Variants in ZNF695 observed in about 807,000 individuals in gnomAD.
ZNF695 encodes zinc finger protein SBZF3.
ZNF695 carries 11 observed loss-of-function variants against 11.2 expected under a neutral mutation model. The ratio of observed to expected loss-of-function variants is 0.98; its 90% confidence interval spans 0.62 to 1.62. The LOEUF is 1.62. Among genes scored for constraint, ZNF695 ranks in the 40% most tolerant of loss-of-function variants. The pLI is 0.00. For missense variants in ZNF695, 559 were observed against 590.5 expected, an observed-to-expected ratio of 0.95 and a Z score of 0.55; for synonymous variants, 190 against 201.4, an observed-to-expected ratio of 0.94 and a Z score of 0.48.
At chr1:246,974,340 T>C (rs1393157402) in intron 4 of ZNF695, among the ~76,000 whole-genome samples, 1 of 152,148 alleles carries the variant, frequency 6.6e-6, no homozygotes, top group Non-Finnish European at 1.5e-5. Flanking sequence ...GAATATCAGA[T>C]CTCTGGTCTA....
chr1:246,992,694 T>A (rs1413053683), intron 3 of ZNF695, among the ~76,000 whole-genome samples: 4 of 152,184 alleles, frequency 2.6e-5, no homozygotes, highest in African/African-American at 7.2e-5. Flanking sequence ...CAAATTTTTT[T>A]AAATTTTTTA....
In ZNF695 at chr1:246,955,204, T is replaced by C. The variant is rs532990089; in HGVS notation, c.489-9377A>G. On this transcript the variant is annotated intron_variant, in intron 5 of 5. Coordinates refer to the ZNF695 transcript ENST00000487338. Reference sequence around the variant, plus strand: ...GAAACTGGATCCATTAAACCTCTTTTTCTTTAAAAATTACCCAGTCTTGGG... The same window carrying C: ...GAAACTGGATCCATTAAACCTCTTTCTCTTTAAAAATTACCCAGTCTTGGG... Among the ~76,000 whole-genome samples the C allele has an allele frequency of 1.3e-3, 192 of 152,312 alleles. 1 individual carries two copies. Among genetic ancestry groups the C allele is most frequent in the Non-Finnish European group, 2.2e-3 (152 of 68,034 alleles).
chr1:246,999,211 G>A, intron 3 of ZNF695, 137 bp downstream of exon 3: 1 of 656,290 alleles, frequency 1.5e-6, no homozygotes, highest in South Asian at 1.8e-5. Flanking sequence ...GCCCCTATGT[G>A]GGAGCAAGAG....
At chr1:246,977,487 C>G (rs190716439) in intron 4 of ZNF695, among the ~76,000 whole-genome samples, 5 of 152,116 alleles carry the variant, frequency 3.3e-5, no homozygotes, top group Non-Finnish European at 7.4e-5. Context: ...AGCCTGACTT[C>G]GTGATCCACC....
intron 5 of ZNF695, among the ~76,000 whole-genome samples, chr1:246,965,906 T>C (rs893717183): frequency 6.6e-6 from 1 of 151,686 alleles, no homozygotes; most frequent in Admixed American, 6.6e-5. Flanking sequence ...TATTCTGTTA[T>C]AAGCAAGAGA....
intron 1 of ZNF695, among the ~76,000 whole-genome samples, chr1:247,005,027 C>T (rs148378898): frequency 3.5e-4 from 54 of 152,276 alleles, no homozygotes; most frequent in African/African-American, 1.3e-3. Context: ...AATCTATAAA[C>T]TCTGTGTAAT....
chr1:246,998,018 G>A (rs763393407), intron 3 of ZNF695, among the ~76,000 whole-genome samples: 13 of 152,152 alleles, frequency 8.5e-5, no homozygotes, highest in Non-Finnish European at 1.6e-4. Flanking sequence ...TAAAATTTGC[G>A]TTAACACAGC....
In ZNF695 at chr1:246,987,654, C is replaced by T. The variant is rs1050142914; in HGVS notation, c.861G>A (p.Lys287=). The T allele has an allele frequency of 6.2e-7, 1 of 1,602,032 alleles. No homozygotes were observed. Among genetic ancestry groups the T allele is most frequent in the Non-Finnish European group, 8.5e-7 (1 of 1,175,776 alleles). ...FNLCSVLTKH[K]KIHTGEKPYK... ...ATGGTTTCTCTCCAGTATGAATTTT[C>T]TTATGTTTAGTAAGAACTGAGCACA... The change falls in exon 4 of 4, where the codon AAG becomes AAA. Residue 287 remains lysine (K), a synonymous_variant. Coordinates refer to ENST00000339986, the MANE Select transcript of ZNF695 (RefSeq NM_020394.5).
intron 4 of ZNF695, among the ~76,000 whole-genome samples, chr1:246,976,765 G>C (rs1240239255): frequency 6.6e-6 from 1 of 152,120 alleles, no homozygotes; most frequent in African/African-American, 2.4e-5. Context: ...CTGCACTCCA[G>C]CCTGGGCGAC....
chr1:246,976,743 G>A (rs978833922), intron 4 of ZNF695, among the ~76,000 whole-genome samples: 29 of 152,186 alleles, frequency 1.9e-4, no homozygotes, highest in African/African-American at 7.0e-4. Flanking sequence ...GCAGTGTGCT[G>A]AGATCGCGCC....
chr1:246,954,910 C>T (rs546886273), intron 5 of ZNF695, among the ~76,000 whole-genome samples: 10 of 152,254 alleles, frequency 6.6e-5, no homozygotes, highest in East Asian at 1.9e-4. Context: ...CTACTATACA[C>T]CTAGGCTATC....
intron 1 of ZNF695, among the ~76,000 whole-genome samples, chr1:247,005,708 AAAC>A (rs985113251): frequency 1.6e-4 from 24 of 152,098 alleles, no homozygotes; most frequent in African/African-American, 5.6e-4. Context: ...AAACGATAAA[AAAC>A]AACAACAAAA....
intron 5 of ZNF695, among the ~76,000 whole-genome samples, chr1:246,958,948 C>T (rs946146694): frequency 1.2e-4 from 18 of 151,924 alleles, no homozygotes; most frequent in Admixed American, 9.2e-4. Context: ...GTCAATGAAT[C>T]AGATACTGTA....
At chr1:246,945,762 T>C (rs951948980) in exon 6 of ZNF695, 2 of 1,550,242 alleles carry the variant, frequency 1.3e-6, no homozygotes, top group Admixed American at 2.0e-5. Flanking sequence ...GTCCAGGCAC[T>C]GTGTTCAAGC....
At chr1:246,945,790 A>C in exon 6 of ZNF695, 2 of 1,550,348 alleles carry the variant, frequency 1.3e-6, no homozygotes, top group Non-Finnish European at 1.7e-6. Flanking sequence ...GAACCTCCGC[A>C]GGGTCTTCAA....
At chr1:246,963,161 T>G (rs1033393374) in intron 5 of ZNF695, among the ~76,000 whole-genome samples, 8 of 152,176 alleles carry the variant, frequency 5.3e-5, no homozygotes, top group Non-Finnish European at 4.4e-5. Flanking sequence ...TATTCCCTCA[T>G]CCGGAAGTGG....
chr1:246,982,507 A>T (rs1668736199), downstream of ZNF695, among the ~76,000 whole-genome samples: 2 of 152,336 alleles, frequency 1.3e-5, no homozygotes, highest in South Asian at 2.1e-4. Context: ...TTATTTACAC[A>T]CTGCTTACAA....
At position 246,999,796 on chromosome 1, in the gene ZNF695, G is replaced by T. The variant is rs552147505; in HGVS notation, c.166+116C>A. On this transcript the variant is annotated intron_variant, in intron 2 of 3. Coordinates refer to ENST00000339986, the MANE Select transcript of ZNF695 (RefSeq NM_020394.5). ...CAAGGCAAAACATCTTGAAAGTTTT[G>T]TTTTCTACACCAAGAAATCCCCAAG... 2.5e-4 allele frequency: 271 copies of T among 1,075,362 alleles called. 3 individuals are homozygous for T. In the African/African-American group the frequency reaches 3.9e-3, roughly 16 times the overall value. 66.6% of individuals were successfully genotyped at this position (1,075,362 alleles called of 1,614,324 possible). A position where few individuals can be genotyped will look rare whatever the true frequency, so the allele number is the denominator to read the frequency against.
intron 4 of ZNF695, among the ~76,000 whole-genome samples, chr1:246,977,046 T>C (rs1318562406): frequency 6.6e-6 from 1 of 152,188 alleles, no homozygotes; most frequent in Non-Finnish European, 1.5e-5. Flanking sequence ...ACGCACATAT[T>C]TTCTATCATT....
Sources: allele counts gnomAD v4.1 joint callset (sites outside exome capture counted in the v4.1 genomes callset), GRCh38; gene constraint gnomAD v4.1.1; transcripts MANE v1.5; gene names NCBI Gene and HGNC (gene_info 2026-07-23, HGNC 2026-07-21).